The following GABRB1 variants were observed in gnomAD, a reference collection of about 807,000 sequenced individuals.
GABRB1 encodes gamma-aminobutyric acid type A receptor subunit beta1.
A neutral mutation model predicts 51.6 loss-of-function variants in GABRB1; 17 were observed. The ratio of observed to expected loss-of-function variants is 0.33; its 90% CI spans 0.23 to 0.49. The LOEUF is 0.49. Among genes scored for constraint, GABRB1 ranks in the 20% least tolerant of loss-of-function variants. GABRB1 has a pLI of 0.99. For synonymous variants in GABRB1, 247 were observed against 218.9 expected (o/e 1.13, Z -1.14); for missense variants, 410 against 600.6 (o/e 0.68, Z 3.32).
chr4:47,117,923 G>A (rs960807393), intron 3 of GABRB1, among the ~76,000 whole-genome samples: 4 of 152,148 alleles, frequency 2.6e-5, no homozygotes, highest in African/African-American at 9.7e-5. Flanking sequence ...AAAGTCATTT[G>A]TTACATAGGC....
At chr4:47,077,899 GTATTTTATATATATTATA>G (rs1371010846) in intron 3 of GABRB1, among the ~76,000 whole-genome samples, 46 of 125,112 alleles carry the variant, frequency 3.7e-4, no homozygotes, top group South Asian at 2.2e-3. Context: ...TATATTATAT[GTATTTTATATATATTATA>G]TATTTTATAT....
intron 4 of GABRB1, among the ~76,000 whole-genome samples, chr4:47,273,021 A>G (rs1036431034): frequency 6.6e-6 from 1 of 152,116 alleles, no homozygotes; most frequent in Non-Finnish European, 1.5e-5. Flanking sequence ...TTCAGTAGTT[A>G]ATTATCCATA....
chr4:47,276,099 C>T (rs560452520), intron 4 of GABRB1, among the ~76,000 whole-genome samples: 4 of 152,194 alleles, frequency 2.6e-5, no homozygotes, highest in African/African-American at 4.8e-5. Context: ...TTTCAATACT[C>T]GTACAGAGAA....
At chr4:47,307,321 T>A (rs1222828593) in intron 4 of GABRB1, among the ~76,000 whole-genome samples, 1 of 152,122 alleles carries the variant, frequency 6.6e-6, no homozygotes, top group Non-Finnish European at 1.5e-5. Flanking sequence ...TTTGTAGCTT[T>A]TAAATGTGGT....
chr4:47,413,502 C>T (rs1728824983), intron 8 of GABRB1, among the ~76,000 whole-genome samples: 1 of 152,074 alleles, frequency 6.6e-6, no homozygotes, highest in Non-Finnish European at 1.5e-5. Flanking sequence ...AAATTGCTAC[C>T]TGCTAGTTAA....
intron 4 of GABRB1, among the ~76,000 whole-genome samples, chr4:47,278,584 T>C (rs1229727439): frequency 6.7e-6 from 1 of 149,912 alleles, no homozygotes; most frequent in Non-Finnish European, 1.5e-5. Context: ...AAACTGGGAA[T>C]TGTTGAACTG....
At chr4:47,191,670 G>A (rs1719445582) in intron 4 of GABRB1, among the ~76,000 whole-genome samples, 1 of 152,016 alleles carries the variant, frequency 6.6e-6, no homozygotes, top group Non-Finnish European at 1.5e-5. Flanking sequence ...AATTAATTTA[G>A]TCTACCTTTC....
intron 3 of GABRB1, among the ~76,000 whole-genome samples, chr4:47,127,808 ATAAAT>A (rs1205387563): frequency 6.6e-6 from 1 of 151,884 alleles, no homozygotes; most frequent in Non-Finnish European, 1.5e-5. Context: ...TCCTACTGTG[ATAAAT>A]TAAAGATTCA....
intron 3 of GABRB1, among the ~76,000 whole-genome samples, chr4:47,067,605 C>T (rs749710761): frequency 2.0e-5 from 3 of 151,650 alleles, no homozygotes; most frequent in Non-Finnish European, 4.4e-5. Flanking sequence ...TTTTTCTGAG[C>T]ATGAGTATAT....
intron 1 of GABRB1, among the ~76,000 whole-genome samples, chr4:47,019,576 T>TCTCTCTCTCTCC (rs1186431950): frequency 1.0e-3 from 153 of 147,464 alleles, no homozygotes; most frequent in African/African-American, 3.6e-3. Context: ...TCTCTCTCTC[T>TCTCTCTCTCTCC]CCCTCCTTCC....
chr4:47,007,142 T>A (rs202166346), intron 1 of GABRB1, among the ~76,000 whole-genome samples: 34 of 145,324 alleles, frequency 2.3e-4, no homozygotes, highest in South Asian at 4.3e-4. Context: ...CCTGTTTGGA[T>A]AAAAAAAAAA....
intron 4 of GABRB1, among the ~76,000 whole-genome samples, chr4:47,257,637 G>A (rs1722266854): frequency 6.6e-6 from 1 of 151,736 alleles, no homozygotes; most frequent in Non-Finnish European, 1.5e-5. Flanking sequence ...TTTAGAGAAG[G>A]GCAAAGTGAC....
intron 3 of GABRB1, among the ~76,000 whole-genome samples, chr4:47,111,383 A>C (rs571019008): frequency 1.3e-5 from 2 of 152,016 alleles, no homozygotes; most frequent in Admixed American, 6.6e-5. Flanking sequence ...TTTACTGCAG[A>C]ATATAGATAT....
intron 4 of GABRB1, among the ~76,000 whole-genome samples, chr4:47,267,918 T>C (rs1304946574): frequency 2.0e-5 from 3 of 152,118 alleles, no homozygotes; most frequent in African/African-American, 7.2e-5. Flanking sequence ...ATCAATAAAT[T>C]AAAAAGATGC....
intron 4 of GABRB1, among the ~76,000 whole-genome samples, chr4:47,239,272 A>G (rs1229926215): frequency 2.6e-5 from 4 of 152,192 alleles, no homozygotes; most frequent in Non-Finnish European, 5.9e-5. Flanking sequence ...AGAGTCATTC[A>G]TATTGTTGAC....
intron 4 of GABRB1, among the ~76,000 whole-genome samples, chr4:47,174,112 T>C (rs1718554627): frequency 1.3e-5 from 2 of 152,168 alleles, no homozygotes; most frequent in African/African-American, 4.8e-5. Context: ...GTTGCCCAGC[T>C]GGAGTTCAGT....
intron 5 of GABRB1, among the ~76,000 whole-genome samples, chr4:47,366,115 A>C (rs1453996240): frequency 2.0e-5 from 3 of 152,168 alleles, no homozygotes; most frequent in Non-Finnish European, 4.4e-5. Flanking sequence ...CTACCCATAG[A>C]CTCAACATAG....
chr4:47,226,082 A>T (rs1361866063), intron 4 of GABRB1, among the ~76,000 whole-genome samples: 1 of 152,134 alleles, frequency 6.6e-6, no homozygotes, highest in Non-Finnish European at 1.5e-5. Flanking sequence ...GCTATTAAAC[A>T]TAGTTCTAGG....
At chr4:47,354,085 T>C (rs1726462412) in intron 5 of GABRB1, among the ~76,000 whole-genome samples, 1 of 152,158 alleles carries the variant, frequency 6.6e-6, no homozygotes, top group South Asian at 2.1e-4. Flanking sequence ...CCATCTTCTC[T>C]CTTTTAGCCT....
Sources: allele counts gnomAD v4.1 joint callset (sites outside exome capture counted in the v4.1 genomes callset), GRCh38; gene constraint gnomAD v4.1.1; transcripts MANE v1.5; gene names NCBI Gene and HGNC (gene_info 2026-07-23, HGNC 2026-07-21).